The following BDP1 variants were observed in gnomAD, a reference collection of about 807,000 sequenced individuals.
BDP1 encodes the protein transcription factor TFIIIB component B'' homolog.
A neutral mutation model predicts 266.6 loss-of-function variants in BDP1; 169 were observed. The observed-to-expected ratio is 0.63, with a 90% CI of 0.56 to 0.72. BDP1 has a LOEUF of 0.72. Ranked by LOEUF, BDP1 falls within the 30% of genes least tolerant of loss-of-function variation. The pLI, the probability that BDP1 is intolerant of heterozygous loss-of-function variation, is 0.00. For missense variants in BDP1, 3,015 were observed against 3,053.8 expected, an observed-to-expected ratio of 0.99 and a Z score of 0.30; for synonymous variants, 1,090 against 1,022.4, an observed-to-expected ratio of 1.07 and a Z score of -1.26.
At chr5:71,456,117 C>T in intron 1 of BDP1, 28 bp downstream of exon 1, 5 of 1,591,044 alleles carry the variant, frequency 3.1e-6, no homozygotes, top group Non-Finnish European at 4.3e-6. Flanking sequence ...GAAGAATTTT[C>T]ATTTGTCCCG....
In BDP1 at chr5:71,553,157, G is replaced by A; in HGVS notation, c.7037G>A (p.Gly2346Asp). The stretch of plus-strand genomic sequence containing the variant: ...ACTTCAGTTGGTCAAGATGCCATGG[G>A]TTTATCTATTTCTGGAAGAGATAAT... ...PATSVGQDAM[G>D]LSISGRDNSK... Residue 2346 changes from glycine to aspartate, a missense_variant, in exon 35 of 39, where the codon GGT becomes GAT. Around this residue, in one of 3 missense-constraint regions of BDP1, gnomAD observed 629 missense variants for 632.5 expected, o/e 0.99. Transcript: ENST00000358731. The A allele has an allele frequency of 3.1e-6, 5 of 1,612,954 alleles. No homozygotes were observed. Among genetic ancestry groups the A allele is most frequent in the Non-Finnish European group, 4.2e-6 (5 of 1,179,930 alleles).
intron 22 of BDP1, among the ~76,000 whole-genome samples, chr5:71,517,746 G>C (rs1404902644): frequency 6.6e-6 from 1 of 152,066 alleles, no homozygotes; most frequent in Non-Finnish European, 1.5e-5. Flanking sequence ...AGTAGACAAA[G>C]ATTCTTAAGT....
At chr5:71,578,195 A>G in the BDP1 span, among the ~76,000 whole-genome samples, 4 of 151,976 alleles carry the variant, frequency 2.6e-5, no homozygotes, top group South Asian at 2.1e-4. Context: ...CCTTCTCACT[A>G]TCTCTTTTGC....
At chr5:71,550,479 T>C (rs1420452422) in intron 34 of BDP1, among the ~76,000 whole-genome samples, 1 of 152,124 alleles carries the variant, frequency 6.6e-6, no homozygotes, top group African/African-American at 2.4e-5. Flanking sequence ...TTTTTTTTCT[T>C]TTTTCAGAGG....
Position 71,472,886 on chromosome 5 carries a change from C to CTTTTTTTTTTT in BDP1, c.1014+2398_1014+2399insTTTTTTTTTTT, listed in dbSNP as rs1561678812. ...TTGATAATTTGTATTTTCTCTCTCT[C>CTTTTTTTTTTT]TCTTTTTTTTTTTTTTTTTTTTTTT... is the stretch of plus-strand genomic sequence containing the variant. On this transcript the variant is annotated intron_variant, in intron 7 of 38. Transcript: ENST00000358731. Among the ~76,000 whole-genome samples the CTTTTTTTTTTT allele has an allele frequency of 1.6e-5, 2 of 121,840 alleles. 1 individual carries two copies. The allele number at this position is 121,840 out of a possible 152,430, so 79.9% of individuals were successfully genotyped here.
chr5:71,578,081 C>T, the BDP1 span, among the ~76,000 whole-genome samples: 5 of 152,150 alleles, frequency 3.3e-5, no homozygotes, highest in Non-Finnish European at 5.9e-5. Context: ...TCCCTGGCCC[C>T]GGCTCCTTGA....
chr5:71,536,915 T>G (rs989879454), intron 26 of BDP1, among the ~76,000 whole-genome samples: 8 of 151,576 alleles, frequency 5.3e-5, no homozygotes, highest in African/African-American at 1.9e-4. Context: ...GATCACAAGG[T>G]CAGGAGTTTG....
Position 71,560,207 on chromosome 5 carries a change from G to C in BDP1, c.7466G>C (p.Arg2489Thr), listed in dbSNP as rs1042913135. 1 of 1,614,120 alleles carries C rather than the reference G, an allele frequency of 6.2e-7. No individual in the cohort carries two copies. Among genetic ancestry groups the C allele is most frequent in the Non-Finnish European group, 8.5e-7 (1 of 1,180,022 alleles). ...AAPKSQQMDS[R>T]TSSSKASLSR... ...CCTAAGTCTCAGCAAATGGATAGCA[G>C]AACATCGTCTTCTAAAGCCTCACTA... is the stretch of plus-strand genomic sequence containing the variant. The change falls in exon 37 of 39, where the codon AGA (arginine) becomes ACA (threonine). Residue 2489 changes from arginine to threonine, a missense_variant. Arg to Thr is a moderately conservative substitution (Grantham distance 71). Coordinates refer to ENST00000358731, the MANE Select transcript of BDP1 (RefSeq NM_018429.3).
chr5:71,518,470 A>G (rs984725941), intron 22 of BDP1, among the ~76,000 whole-genome samples: 1 of 152,098 alleles, frequency 6.6e-6, no homozygotes, highest in African/African-American at 2.4e-5. Flanking sequence ...ACTTTTTGAG[A>G]CAAGGTGTCT....
chr5:71,531,042 G>A lies in BDP1; in HGVS notation c.5773-1266G>A, dbSNP rs370826510. On this transcript the variant is annotated intron_variant, in intron 25 of 38. Coordinates refer to ENST00000358731, the MANE Select transcript of BDP1 (RefSeq NM_018429.3). ...TGAACCCTGATAGTGCCACTGCACC[G>A]CAGCTTGGGCGATAGAGTGAGGCTT... Among the ~76,000 whole-genome samples the A allele has an allele frequency of 1.4e-4, 22 of 152,174 alleles. 1 individual carries two copies. The highest frequency in any genetic ancestry group is 4.3e-4 in the African/African-American group (18 of 41,518).
chr5:71,539,461 C>A, intron 27 of BDP1, 96 bp from the exon 28 acceptor site: 3 of 887,458 alleles, frequency 3.4e-6, no homozygotes, highest in Admixed American at 2.1e-5. Context: ...TTGGAATCTG[C>A]TCCTAGGAGA....
intron 26 of BDP1, among the ~76,000 whole-genome samples, chr5:71,533,302 A>G (rs1766367580): frequency 6.6e-6 from 1 of 152,150 alleles, no homozygotes; most frequent in South Asian, 2.1e-4. Flanking sequence ...TAAAAATGTA[A>G]TTGCTGAGTC....
At chr5:71,488,474 G>A (rs1205267237) in intron 9 of BDP1, among the ~76,000 whole-genome samples, 1 of 151,280 alleles carries the variant, frequency 6.6e-6, no homozygotes, top group Non-Finnish European at 1.5e-5. Flanking sequence ...TGTTGCCCAG[G>A]CTGGAGTGCC....
At chr5:71,496,141 C>T (rs1054878311) in intron 12 of BDP1, among the ~76,000 whole-genome samples, 1 of 150,488 alleles carries the variant, frequency 6.6e-6, no homozygotes, top group African/African-American at 2.4e-5. Context: ...ACTTGGGAGG[C>T]TGAGGCAGGA....
At chr5:71,578,113 G>C in the BDP1 span, among the ~76,000 whole-genome samples, 5 of 152,136 alleles carry the variant, frequency 3.3e-5, no homozygotes, top group African/African-American at 1.2e-4. Context: ...GGGACATCTA[G>C]AGCCTATTGT....
chr5:71,537,251 C>G (rs1028944011), intron 26 of BDP1, among the ~76,000 whole-genome samples: 2 of 150,948 alleles, frequency 1.3e-5, no homozygotes, highest in African/African-American at 4.9e-5. Context: ...CTCCATATTG[C>G]CAGTTAATAT....
chr5:71,499,567 C>T (rs527716993), intron 13 of BDP1, among the ~76,000 whole-genome samples: 6 of 152,194 alleles, frequency 3.9e-5, no homozygotes, highest in African/African-American at 1.4e-4. Flanking sequence ...TTGCATTGAG[C>T]CAAGATTGCA....
intron 6 of BDP1, 138 bp downstream of exon 6, chr5:71,467,625 T>C (rs1173945310): frequency 2.8e-6 from 2 of 703,850 alleles, no homozygotes; most frequent in Non-Finnish European, 4.7e-6. Flanking sequence ...GACACCTCTA[T>C]CTTATGCCCT....
chr5:71,479,116 C>T (rs1009984425), intron 7 of BDP1, among the ~76,000 whole-genome samples: 2 of 152,022 alleles, frequency 1.3e-5, no homozygotes, highest in Non-Finnish European at 2.9e-5. Context: ...GATCTCGGCT[C>T]ACTGCAAGCT....
Sources: allele counts gnomAD v4.1 joint callset (sites outside exome capture counted in the v4.1 genomes callset), GRCh38; gene constraint gnomAD v4.1.1; regional missense constraint gnomAD v4.1.1; transcripts MANE v1.5; gene names NCBI Gene and HGNC (gene_info 2026-07-23, HGNC 2026-07-21).